The following HMCN2 variants were observed in gnomAD, a reference collection of about 807,000 sequenced individuals.
HMCN2 encodes the protein hemicentin 2.
HMCN2 carries 325 observed loss-of-function variants against 377.5 expected under a neutral mutation model. The observed-to-expected ratio is 0.86, with a 90% confidence interval of 0.79 to 0.94. The LOEUF (loss-of-function observed/expected upper bound fraction) is 0.94. HMCN2 is among the 40% of genes least tolerant of loss of function. The pLI, the probability that HMCN2 is intolerant of heterozygous loss-of-function variation, is 0.00. For missense variants in HMCN2, 4,543 were observed against 4,725.3 expected (o/e 0.96, Z 1.13); for synonymous variants, 2,007 against 2,046.8 (o/e 0.98, Z 0.53).
intron 97 of HMCN2, chr9:130,432,852 T>G: frequency 2.1e-6 from 1 of 470,930 alleles, no homozygotes; most frequent in South Asian, 2.6e-5. Context: ...CGGACACTCA[T>G]CAAGACACAC....
chr9:130,371,209 G>A, intron 46 of HMCN2, 78 bp downstream of exon 46: 2 of 829,286 alleles, frequency 2.4e-6, no homozygotes, highest in Non-Finnish European at 2.9e-6. Flanking sequence ...ACATGCCCAT[G>A]ACCTCTGACT....
chr9:130,363,980 AAG>A (rs1840547953), intron 40 of HMCN2, among the ~76,000 whole-genome samples: 1 of 152,022 alleles, frequency 6.6e-6, no homozygotes, highest in East Asian at 1.9e-4. Flanking sequence ...GAAGGAAAGA[AAG>A]AAAGAGAAAG....
At chr9:130,296,519 G>A (rs1836160698) in intron 6 of HMCN2, among the ~76,000 whole-genome samples, 155 bp from the exon 7 acceptor site, 1 of 152,178 alleles carries the variant, frequency 6.6e-6, no homozygotes, top group African/African-American at 2.4e-5. Flanking sequence ...GCATCGTGCT[G>A]GGCCCCTTGG....
At chr9:130,425,962 A>G (rs761590774) in intron 90 of HMCN2, 38 bp downstream of exon 90, 3 of 1,460,214 alleles carry the variant, frequency 2.1e-6, no homozygotes, top group Non-Finnish European at 2.8e-6. Context: ...CCACTGCCCC[A>G]GCTAAAACCT....
chr9:130,318,014 C>T (rs1205777137), intron 15 of HMCN2, among the ~76,000 whole-genome samples: 1 of 152,026 alleles, frequency 6.6e-6, no homozygotes, highest in Non-Finnish European at 1.5e-5. Flanking sequence ...CAAAGCTGCA[C>T]CCCTGGGGGC....
At chr9:130,274,767 C>T in intron 1 of HMCN2, among the ~76,000 whole-genome samples, 1 of 152,056 alleles carries the variant, frequency 6.6e-6, no homozygotes, top group Admixed American at 6.6e-5. Context: ...TTGCTTTCTT[C>T]CCCCCACATA....
intron 1 of HMCN2, among the ~76,000 whole-genome samples, chr9:130,282,907 C>G (rs1835203831): frequency 6.6e-6 from 1 of 152,096 alleles, no homozygotes; most frequent in Non-Finnish European, 1.5e-5. Context: ...CCCGTCTCTA[C>G]TAAAAATACA....
rs1452041359 is a variant in HMCN2, at chr9:130,296,715, CAGCAACATTGACTTCCG to C, written c.937_953del (p.Asn313ArgfsTer90). 4.2e-6 allele frequency: 2 copies of C among 471,174 alleles called. No homozygotes were observed. Among genetic ancestry groups the C allele is most frequent in the East Asian group, 1.4e-4 (2 of 14,394 alleles). The allele number at this position is 471,174 out of a possible 1,614,324, so 29.2% of individuals were successfully genotyped here. A position where few individuals can be genotyped will look rare whatever the true frequency, so the allele number is the denominator to read the frequency against. ...GCCATTCAGTGAGGATCACAGGCGT[CAGCAACATTGACTTCCG>C]AGCCGGCTTCTCCACTCAGCCCTTG... On this transcript the variant is annotated frameshift_variant, in exon 7 of 98. Transcript: ENST00000683500. LOFTEE classifies it high-confidence loss of function.
chr9:130,273,454 G>C (rs1463220348), intron 1 of HMCN2, among the ~76,000 whole-genome samples: 1 of 151,816 alleles, frequency 6.6e-6, no homozygotes, highest in Admixed American at 6.6e-5. Flanking sequence ...AAAACTGTCA[G>C]AACAATACCA....
intron 39 of HMCN2, 141 bp from the exon 40 acceptor site, chr9:130,362,726 C>A: frequency 3.6e-6 from 2 of 562,024 alleles, no homozygotes; most frequent in Non-Finnish European, 4.5e-6. Flanking sequence ...GGTTTCCCTG[C>A]ATCATGAGGG....
intron 1 of HMCN2, among the ~76,000 whole-genome samples, chr9:130,266,882 C>T (rs1834133163): frequency 6.6e-6 from 1 of 152,198 alleles, no homozygotes; most frequent in Non-Finnish European, 1.5e-5. Context: ...TGTAGAGAGT[C>T]CCAGGGACAG....
Position 130,360,440 on chromosome 9 carries a change from T to C in HMCN2, c.5786T>C (p.Phe1929Ser), listed in dbSNP as rs1466297331. ...SGVPPPDVSWFKGHQPVSSWM... is the reference protein window; with the variant it reads ...SGVPPPDVSWSKGHQPVSSWM... ...TTCCTTTCCCCAGATGTCTCCTGGTTCAAGGGCCACCAACCTGTCTCTTCA... is the reference window on the plus strand; with the variant it reads ...TTCCTTTCCCCAGATGTCTCCTGGTCCAAGGGCCACCAACCTGTCTCTTCA... The change falls in exon 38 of 98, where the codon TTC (phenylalanine) becomes TCC (serine). Residue 1929 changes from phenylalanine to serine, a missense_variant. Physicochemically the swap from Phe to Ser is radical, Grantham distance 155. This residue lies in a region of HMCN2 where 1,032 missense variants were observed against 1,285.1 expected (regional missense o/e 0.80). Coordinates refer to ENST00000683500, the MANE Select transcript of HMCN2 (RefSeq NM_001291815.2). The surrounding 1 kb of genome is among the most constrained non-coding windows in gnomAD (Gnocchi z 4.7). The C allele has an allele frequency of 7.7e-7, 1 of 1,299,482 alleles. No individual in the cohort carries two copies. The highest frequency in any genetic ancestry group is 1.5e-5 in the African/African-American group (1 of 65,648). The allele number at this position is 1,299,482 out of a possible 1,614,324, so 80.5% of individuals were successfully genotyped here.
At chr9:130,294,414 T>C (rs868969991) in intron 4 of HMCN2, among the ~76,000 whole-genome samples, 5 of 152,332 alleles carry the variant, frequency 3.3e-5, no homozygotes, top group Admixed American at 6.5e-5. Flanking sequence ...CTCTCAGTCC[T>C]GCTTAGGGAA....
chr9:130,321,415 T>C (rs1347393381), intron 18 of HMCN2, among the ~76,000 whole-genome samples: 1 of 152,198 alleles, frequency 6.6e-6, no homozygotes, highest in African/African-American at 2.4e-5. Flanking sequence ...TCAATTCTTC[T>C]GCCTGGTCTC....
intron 83 of HMCN2, 109 bp from the exon 84 acceptor site, chr9:130,408,634 C>T (rs185555396): frequency 3.0e-6 from 2 of 658,038 alleles, no homozygotes; most frequent in East Asian, 1.4e-4. Flanking sequence ...TAGCAGAAGC[C>T]TCTGGAGGCC....
chr9:130,281,761 G>A (rs2131266230), intron 1 of HMCN2, among the ~76,000 whole-genome samples: 1 of 152,120 alleles, frequency 6.6e-6, no homozygotes, highest in African/African-American at 2.4e-5. Context: ...GGGTGTGGTG[G>A]CATGCACCTG....
intron 84 of HMCN2, 83 bp downstream of exon 84, chr9:130,409,016 T>G: frequency 1.1e-6 from 1 of 942,122 alleles, no homozygotes; most frequent in Non-Finnish European, 1.4e-6. Flanking sequence ...GTTCTTCCTA[T>G]TGCCCCCTCT....
intron 71 of HMCN2, 69 bp from the exon 72 acceptor site, chr9:130,395,854 AT>A (rs1842581358): frequency 8.1e-7 from 1 of 1,231,376 alleles, no homozygotes; most frequent in African/African-American, 1.5e-5. Flanking sequence ...AGTCTTCCAC[AT>A]CTGCTGCCGG....
Position 130,294,867 on chromosome 9 carries a change from G to A in HMCN2, c.625G>A (p.Val209Met), listed in dbSNP as rs1554931362. The change falls in exon 5 of 98, where the codon GTG becomes ATG. Residue 209 changes from valine to methionine, a missense_variant. Around this residue, in one of 5 missense-constraint regions of HMCN2, gnomAD observed 547 missense variants for 189.9 expected, o/e 2.88. Coordinates refer to ENST00000683500, the MANE Select transcript of HMCN2 (RefSeq NM_001291815.2). The part of the protein sequence containing the change: ...KQQVTEVLKW[V>M]ESAIQASKVH... ...TACTTGCCTCCAGGTGCTGAAGTGG[G>A]TGGAGTCAGCGATCCAGGCCTCCAA... 2 of 456,406 alleles carry A rather than the reference G, an allele frequency of 4.4e-6. No individual in the cohort carries two copies. Among genetic ancestry groups the A allele is most frequent in the Non-Finnish European group, 4.6e-6 (1 of 219,020 alleles). The allele number at this position is 456,406 out of a possible 1,614,324, so 28.3% of individuals were successfully genotyped here. A position where few individuals can be genotyped will look rare whatever the true frequency, so the allele number is the denominator to read the frequency against.
Sources: allele counts gnomAD v4.1 joint callset (sites outside exome capture counted in the v4.1 genomes callset), GRCh38; gene constraint gnomAD v4.1.1; regional missense constraint gnomAD v4.1.1; non-coding constraint Gnocchi (gnomAD v3.1); transcripts MANE v1.5; gene names NCBI Gene and HGNC (gene_info 2026-07-23, HGNC 2026-07-21).